The following CYP7B1 variants were observed in gnomAD, a reference collection of about 807,000 sequenced individuals.
CYP7B1 encodes cytochrome P450 family 7 subfamily B member 1.
Under a neutral mutation model 42.7 loss-of-function variants are expected in CYP7B1, and 29 were observed. The ratio of observed to expected loss-of-function variants is 0.68; its 90% confidence interval spans 0.51 to 0.93. CYP7B1 has a LOEUF of 0.93. CYP7B1 is among the 40% of genes least tolerant of loss of function. The probability of loss-of-function intolerance (pLI) is 0.00; values close to 1 mark genes in which losing one functional copy is unlikely to be tolerated. For missense variants in CYP7B1, 655 were observed against 600.5 expected (o/e 1.09, Z -0.95); for synonymous variants, 235 against 218.2 (o/e 1.08, Z -0.68).
chr8:64,785,730 G>A (rs1804515237), intron 1 of CYP7B1, among the ~76,000 whole-genome samples: 1 of 152,094 alleles, frequency 6.6e-6, no homozygotes, highest in Admixed American at 6.6e-5. Flanking sequence ...ATGAATAGCA[G>A]AGGCCAGGAT....
At chr8:64,647,977 A>G (rs889844417) in intron 1 of CYP7B1, among the ~76,000 whole-genome samples, 14 of 152,258 alleles carry the variant, frequency 9.2e-5, no homozygotes, top group Non-Finnish European at 2.9e-5. Context: ...CTTTATGGCT[A>G]CAATTAGCTG....
chr8:64,624,478 A>C lies in CYP7B1; in HGVS notation c.184T>G (p.Leu62Val). Residue 62 changes from leucine (L) to valine (V), a missense_variant, in exon 2 of 6, where the codon TTA becomes GTA. Leu to Val is a conservative substitution (Grantham distance 32). Transcript: ENST00000310193. ...WLPYLGVVLN[L>V]RKDPLRFMKT... ...ATGAACCTTAAGGGGTCTTTTCGTAAGTTCAGGACCACTCCAAGATAAGGA... is the reference window on the plus strand; with the variant it reads ...ATGAACCTTAAGGGGTCTTTTCGTACGTTCAGGACCACTCCAAGATAAGGA... 1.2e-6 allele frequency: 2 copies of C among 1,613,708 alleles called. No individual in the cohort carries two copies. The highest frequency in any genetic ancestry group is 1.7e-6 in the Non-Finnish European group (2 of 1,179,922).
rs116883435 is a variant in CYP7B1 at position 64,623,016 on chromosome 8, G to A, written c.259+1387C>T. ...ACACTCAACAAGCAAAGGAGTGTGGGTAATCTAGTGTGTAGAGATCAGCTT... is the reference window on the plus strand; with the variant it reads ...ACACTCAACAAGCAAAGGAGTGTGGATAATCTAGTGTGTAGAGATCAGCTT... On this transcript the variant is annotated intron_variant, in intron 2 of 5. Transcript: ENST00000310193. 2.1e-3 allele frequency among the ~76,000 whole-genome samples: 317 copies of A among 152,212 alleles called. 4 individuals carry two copies. Among genetic ancestry groups the A allele is most frequent in the Admixed American group, 0.017 (258 of 15,286 alleles).
intron 1 of CYP7B1, among the ~76,000 whole-genome samples, chr8:64,787,831 C>T (rs989306838): frequency 6.6e-6 from 1 of 152,180 alleles, no homozygotes; most frequent in Admixed American, 6.5e-5. Context: ...ACTAACAGTT[C>T]TGCATGGCTG....
intron 1 of CYP7B1, among the ~76,000 whole-genome samples, chr8:64,671,352 T>C (rs918156468): frequency 7.2e-5 from 11 of 152,064 alleles, no homozygotes; most frequent in African/African-American, 1.9e-4. Context: ...GAAATCCTCA[T>C]ATTTCTCATG....
chr8:64,603,228 A>C (rs925243013), intron 5 of CYP7B1, among the ~76,000 whole-genome samples: 4 of 152,200 alleles, frequency 2.6e-5, no homozygotes, highest in African/African-American at 9.6e-5. Flanking sequence ...AGTATTCCAA[A>C]AGAAAAAAAT....
At chr8:64,663,049 T>C (rs551415598) in intron 1 of CYP7B1, among the ~76,000 whole-genome samples, 2 of 152,348 alleles carry the variant, frequency 1.3e-5, no homozygotes, top group South Asian at 4.1e-4. Context: ...TTTACCTTTA[T>C]TTCTTGTTTA....
intron 1 of CYP7B1, among the ~76,000 whole-genome samples, chr8:64,680,863 C>A (rs1431421242): frequency 6.6e-6 from 1 of 152,156 alleles, no homozygotes; most frequent in Non-Finnish European, 1.5e-5. Flanking sequence ...AAACTCTGGG[C>A]CCAGTGAGCT....
rs1471658177 is a variant in CYP7B1 at position 64,616,181 on chromosome 8, C to G, written c.360G>C (p.Glu120Asp). 1.2e-6 allele frequency: 2 copies of G among 1,610,754 alleles called. No individual in the cohort carries two copies. The highest frequency in any genetic ancestry group is 1.7e-6 in the Non-Finnish European group (2 of 1,178,114). The part of the protein sequence containing the change: ...SFRVFSNKLL[E>D]KAFSISQLQK... The stretch of plus-strand genomic sequence containing the variant: ...GCAACTGACTGATGCTAAATGCTTT[C>G]TCTAATAATTTATTAGAAAATACTC... Residue 120 changes from glutamate (E) to aspartate (D), a missense_variant, in exon 3 of 6, where the codon GAG (glutamate) becomes GAC (aspartate). Transcript: ENST00000310193.
intron 5 of CYP7B1, among the ~76,000 whole-genome samples, chr8:64,602,189 C>T (rs1251287883): frequency 6.6e-6 from 1 of 152,126 alleles, no homozygotes; most frequent in Non-Finnish European, 1.5e-5. Context: ...TAAATAATTG[C>T]AAAATACTGT....
At chr8:64,642,181 T>A (rs1335971368) in intron 1 of CYP7B1, among the ~76,000 whole-genome samples, 1 of 152,200 alleles carries the variant, frequency 6.6e-6, no homozygotes, top group Admixed American at 6.5e-5. Context: ...TGTATAGATA[T>A]ATAAATATGT....
At chr8:64,702,454 G>GT (rs1208191889) in intron 1 of CYP7B1, among the ~76,000 whole-genome samples, 2 of 152,034 alleles carry the variant, frequency 1.3e-5, no homozygotes, top group Non-Finnish European at 2.9e-5. Context: ...AGCAAAATAT[G>GT]TTTTTTCACA....
chr8:64,724,867 T>C (rs1807298494), intron 1 of CYP7B1, among the ~76,000 whole-genome samples: 1 of 152,188 alleles, frequency 6.6e-6, no homozygotes, highest in African/African-American at 2.4e-5. Context: ...GTTCCCCTTT[T>C]CCCCAAAGAC....
At chr8:64,754,847 G>A (rs776394916) in intron 1 of CYP7B1, among the ~76,000 whole-genome samples, 1 of 152,222 alleles carries the variant, frequency 6.6e-6, no homozygotes, top group Non-Finnish European at 1.5e-5. Context: ...GAGAGCTGAG[G>A]ATTGAGCCTT....
chr8:64,738,476 C>G (rs1254242150), intron 1 of CYP7B1, among the ~76,000 whole-genome samples: 1 of 152,020 alleles, frequency 6.6e-6, no homozygotes, highest in Non-Finnish European at 1.5e-5. Context: ...TGTTTGATCA[C>G]TGATTTAAAA....
intron 1 of CYP7B1, among the ~76,000 whole-genome samples, chr8:64,722,427 A>G (rs1807252640): frequency 6.6e-6 from 1 of 152,224 alleles, no homozygotes; most frequent in Admixed American, 6.5e-5. Context: ...TCAAATAAAC[A>G]TGAAATAATT....
intron 1 of CYP7B1, among the ~76,000 whole-genome samples, chr8:64,768,882 G>A (rs1804156426): frequency 6.6e-6 from 1 of 152,024 alleles, no homozygotes; most frequent in Admixed American, 6.6e-5. Context: ...CCTTTGAGTG[G>A]CTCTAACTTC....
intron 1 of CYP7B1, among the ~76,000 whole-genome samples, chr8:64,676,249 A>G (rs1218913506): frequency 6.6e-6 from 1 of 152,160 alleles, no homozygotes; most frequent in Non-Finnish European, 1.5e-5. Context: ...CACTAAGAAT[A>G]TAATTATTGA....
At chr8:64,746,131 G>GA (rs900620864) in intron 1 of CYP7B1, among the ~76,000 whole-genome samples, 67 of 149,058 alleles carry the variant, frequency 4.5e-4, no homozygotes, top group East Asian at 7.8e-4. Flanking sequence ...TCAGAGGTAA[G>GA]AAAAAAAAAA....
Sources: gnomAD v4.1 joint callset for allele counts (sites outside exome capture counted in the v4.1 genomes callset) on GRCh38, gnomAD v4.1.1 for gene constraint, MANE v1.5 for transcripts, NCBI Gene and HGNC (gene_info 2026-07-23, HGNC 2026-07-21) for gene names.